The following KCNB2 variants were observed in gnomAD, a reference collection of about 807,000 sequenced individuals.
KCNB2 encodes the protein potassium voltage-gated channel subfamily B member 2.
In KCNB2, 15 loss-of-function variants were observed where a neutral mutation model predicts 61.5. The ratio of observed to expected loss-of-function variants is 0.24; its 90% CI spans 0.16 to 0.38. KCNB2 has a LOEUF of 0.38. Among genes scored for constraint, KCNB2 ranks in the 10% least tolerant of loss-of-function variants. The pLI is 1.00. For missense variants in KCNB2, 828 were observed against 1,125.2 expected (o/e 0.74, Z 3.78); for synonymous variants, 457 against 446.0 (o/e 1.02, Z -0.31).
intron 2 of KCNB2, among the ~76,000 whole-genome samples, chr8:72,736,884 G>C (rs2128994067): frequency 6.6e-6 from 1 of 152,190 alleles, no homozygotes; most frequent in Non-Finnish European, 1.5e-5. Flanking sequence ...AAATGTACTG[G>C]TGATTGCTTG....
At chr8:72,763,380 C>A (rs2128996618) in intron 2 of KCNB2, among the ~76,000 whole-genome samples, 1 of 152,090 alleles carries the variant, frequency 6.6e-6, no homozygotes, top group Admixed American at 6.5e-5. Flanking sequence ...ACCGAAGTAT[C>A]AGAACCACTG....
In KCNB2 at chr8:72,537,613, C is replaced by T. The variant is rs1234046182; in HGVS notation, c.-366C>T. The stretch of plus-strand genomic sequence containing the variant: ...AAGATTATTGTTCTTTTAAAGGATG[C>T]CTTAGCTTCCTCCCGCCGCCTTTCC... On this transcript the variant is annotated 5_prime_UTR_variant, in exon 1 of 3. Transcript: ENST00000523207. The T allele has an allele frequency of 6.6e-6, 1 of 152,386 alleles. No homozygotes were observed. Among genetic ancestry groups the T allele is most frequent in the Non-Finnish European group, 1.5e-5 (1 of 68,218 alleles). 9.4% of individuals were successfully genotyped at this position (152,386 alleles called of 1,614,324 possible). A position where few individuals can be genotyped will look rare whatever the true frequency, so the allele number is the denominator to read the frequency against.
chr8:72,781,157 C>G (rs1181399479), intron 2 of KCNB2, among the ~76,000 whole-genome samples: 2 of 152,098 alleles, frequency 1.3e-5, no homozygotes, highest in Non-Finnish European at 2.9e-5. Context: ...TTCTCCCATT[C>G]TGTAGGTTGT....
chr8:72,842,116 ATTGAGAG>A (rs58828409), intron 2 of KCNB2, among the ~76,000 whole-genome samples: 129,202 of 151,600 alleles, frequency 0.85, 56,027 homozygotes, highest in Middle Eastern at 0.97. Context: ...TACCTAGTTT[ATTGAGAG>A]TTGAGAGTTT....
intron 2 of KCNB2, among the ~76,000 whole-genome samples, chr8:72,832,896 C>G (rs972797213): frequency 2.6e-5 from 4 of 152,164 alleles, no homozygotes; most frequent in African/African-American, 4.8e-5. Flanking sequence ...GCGAGATACT[C>G]TCTGTCTTCC....
At chr8:72,649,854 C>A (rs1476674330) in intron 2 of KCNB2, among the ~76,000 whole-genome samples, 1 of 152,064 alleles carries the variant, frequency 6.6e-6, no homozygotes, top group Non-Finnish European at 1.5e-5. Flanking sequence ...GGAATGACTC[C>A]AACAGGTGAA....
chr8:72,894,342 G>A (rs1398551713), intron 2 of KCNB2, among the ~76,000 whole-genome samples: 1 of 152,162 alleles, frequency 6.6e-6, no homozygotes. Context: ...AGAGGGTGGA[G>A]GCACAAGGCC....
chr8:72,795,326 C>A lies in KCNB2; in HGVS notation c.580-140609C>A, dbSNP rs1039516910. 6.6e-5 allele frequency among the ~76,000 whole-genome samples: 10 copies of A among 152,188 alleles called. No homozygotes were observed. The East Asian group carries it at 1.2e-3, about 18-fold the overall frequency. ...TAAGATACAACAGTTGTGGGCTAGGCTAGAAATTTCAATCCGTAAAATGAC... is the reference window on the plus strand; with the variant it reads ...TAAGATACAACAGTTGTGGGCTAGGATAGAAATTTCAATCCGTAAAATGAC... On this transcript the variant is annotated intron_variant, in intron 2 of 2. Transcript: ENST00000523207.
At chr8:72,764,536 A>C (rs1808432894) in intron 2 of KCNB2, among the ~76,000 whole-genome samples, 1 of 152,214 alleles carries the variant, frequency 6.6e-6, no homozygotes, top group Admixed American at 6.5e-5. Flanking sequence ...CTTGGCATCC[A>C]GTTCTAAGTA....
At chr8:72,817,313 G>C (rs1043059406) in intron 2 of KCNB2, among the ~76,000 whole-genome samples, 1 of 152,088 alleles carries the variant, frequency 6.6e-6, no homozygotes, top group Non-Finnish European at 1.5e-5. Context: ...CCCCCTCACC[G>C]AGCAGGTTCA....
At chr8:72,688,624 C>A (rs1308060250) in intron 2 of KCNB2, among the ~76,000 whole-genome samples, 1 of 151,952 alleles carries the variant, frequency 6.6e-6, no homozygotes, top group East Asian at 1.9e-4. Context: ...TAGCAAGGTA[C>A]TTAATAAATA....
chr8:72,649,549 C>T (rs943244797), intron 2 of KCNB2, among the ~76,000 whole-genome samples: 2 of 152,128 alleles, frequency 1.3e-5, no homozygotes, highest in Non-Finnish European at 2.9e-5. Context: ...ATGCAATATA[C>T]TCATGTTACA....
chr8:72,693,128 G>A (rs1563561390), intron 2 of KCNB2, among the ~76,000 whole-genome samples: 1 of 152,170 alleles, frequency 6.6e-6, no homozygotes, highest in Non-Finnish European at 1.5e-5. Flanking sequence ...AACAAATGAA[G>A]AACAATTAGG....
At chr8:72,542,560 A>G (rs1342948455) in intron 1 of KCNB2, among the ~76,000 whole-genome samples, 18 of 152,172 alleles carry the variant, frequency 1.2e-4, no homozygotes, top group Admixed American at 1.2e-3. Context: ...AAAATTATGT[A>G]TGGCAATACT....
intron 2 of KCNB2, among the ~76,000 whole-genome samples, chr8:72,610,635 C>T (rs940447746): frequency 1.3e-5 from 2 of 152,046 alleles, no homozygotes; most frequent in Admixed American, 6.6e-5. Flanking sequence ...AATTTAGTAA[C>T]GTATTAATCC....
At chr8:72,806,084 A>G (rs571924101) in intron 2 of KCNB2, among the ~76,000 whole-genome samples, 1 of 152,250 alleles carries the variant, frequency 6.6e-6, no homozygotes, top group East Asian at 1.9e-4. Context: ...ATGAGGCCAG[A>G]CATGGTGGCT....
intron 2 of KCNB2, among the ~76,000 whole-genome samples, chr8:72,869,143 C>A (rs1805578369): frequency 6.6e-6 from 1 of 152,138 alleles, no homozygotes; most frequent in African/African-American, 2.4e-5. Flanking sequence ...GAGATAAGAA[C>A]TGGGGTATGG....
chr8:72,722,740 G>C (rs1358526559), intron 2 of KCNB2, among the ~76,000 whole-genome samples: 2 of 152,152 alleles, frequency 1.3e-5, no homozygotes, highest in African/African-American at 4.8e-5. Context: ...TTTTGTTTCA[G>C]ACAAATTAGG....
chr8:72,758,430 G>A (rs531952697), intron 2 of KCNB2, among the ~76,000 whole-genome samples: 2 of 152,272 alleles, frequency 1.3e-5, no homozygotes, highest in Admixed American at 6.5e-5. Context: ...AGACCAAGCC[G>A]AACAGGCTCA....
Sources: gnomAD v4.1 joint callset for allele counts (sites outside exome capture counted in the v4.1 genomes callset) on GRCh38, gnomAD v4.1.1 for gene constraint, MANE v1.5 for transcripts, NCBI Gene and HGNC (gene_info 2026-07-23, HGNC 2026-07-21) for gene names.